The following PLAC8L1 variants were observed in gnomAD, a reference collection of about 807,000 sequenced individuals.
PLAC8L1 encodes PLAC8-like protein 1.
Under a neutral mutation model 16.3 loss-of-function variants are expected in PLAC8L1, and 13 were observed. The ratio of observed to expected loss-of-function variants is 0.80; its 90% CI spans 0.52 to 1.27. The LOEUF is 1.27. Among genes scored for constraint, PLAC8L1 ranks in the 50% most tolerant of loss-of-function variants. PLAC8L1 has a pLI of 0.00. For synonymous variants in PLAC8L1, 78 were observed against 79.3 expected, an observed-to-expected ratio of 0.98 and a Z score of 0.09; for missense variants, 184 against 220.2, an observed-to-expected ratio of 0.84 and a Z score of 1.04.
chr5:146,100,515 C>A (rs559647190), intron 1 of PLAC8L1, among the ~76,000 whole-genome samples: 89 of 152,028 alleles, frequency 5.9e-4, no homozygotes, highest in Middle Eastern at 3.4e-3. Context: ...TTATTAATTG[C>A]CAAATTTAGA....
intron 2 of PLAC8L1, among the ~76,000 whole-genome samples, chr5:146,094,210 G>A (rs6898638): frequency 0.028 from 4,271 of 152,220 alleles, 205 homozygotes; most frequent in African/African-American, 0.097. Flanking sequence ...AGCCTCCGGT[G>A]TAGCTGGGAT....
At chr5:146,099,024 A>G (rs1474007704) in intron 1 of PLAC8L1, among the ~76,000 whole-genome samples, 3 of 152,240 alleles carry the variant, frequency 2.0e-5, no homozygotes, top group Non-Finnish European at 2.9e-5. Context: ...TTAGAAAATG[A>G]AAACCTGGTG....
rs1261349143 is a variant in PLAC8L1, at chr5:146,084,519, G to A, written c.447C>T (p.Ile149=). 6.2e-7 allele frequency: 1 copy of A among 1,614,170 alleles called. No homozygotes were observed. The highest frequency in any genetic ancestry group is 8.5e-7 in the Non-Finnish European group (1 of 1,180,034). The change falls in exon 4 of 4, where the codon ATC becomes ATT. Residue 149 remains isoleucine (I), a synonymous_variant. Coordinates refer to ENST00000311450, the MANE Select transcript of PLAC8L1 (RefSeq NM_001029869.3). ...LAVHCCWAFS[I]CQVARELKMR... is the part of the protein sequence containing the mutation. ...TCTTGAGTTCCCGGGCCACCTGGCA[G>A]ATGGAAAAAGCCCAACAGCAGTGCA...
intron 2 of PLAC8L1, among the ~76,000 whole-genome samples, chr5:146,089,528 A>G (rs546498256): frequency 5.4e-4 from 82 of 152,254 alleles, no homozygotes; most frequent in African/African-American, 1.9e-3. Flanking sequence ...AATTCACACA[A>G]TCATCAGTGA....
intron 1 of PLAC8L1, among the ~76,000 whole-genome samples, chr5:146,099,992 G>T (rs182083429): frequency 6.6e-6 from 1 of 152,168 alleles, no homozygotes; most frequent in Non-Finnish European, 1.5e-5. Flanking sequence ...CCTTCCCTCG[G>T]ACCAACTGCA....
intron 2 of PLAC8L1, among the ~76,000 whole-genome samples, chr5:146,089,619 T>C (rs1488335766): frequency 6.6e-6 from 1 of 152,254 alleles, no homozygotes; most frequent in East Asian, 1.9e-4. Context: ...TTCTCATGTT[T>C]TATGTATTTA....
intron 2 of PLAC8L1, among the ~76,000 whole-genome samples, chr5:146,092,572 C>T (rs1332405256): frequency 7.9e-6 from 1 of 127,188 alleles, no homozygotes; most frequent in African/African-American, 2.9e-5. Flanking sequence ...GACAGAGTCT[C>T]ACTCTGTCAC....
At chr5:146,102,828 T>C (rs528316066) in intron 1 of PLAC8L1, among the ~76,000 whole-genome samples, 14 of 152,324 alleles carry the variant, frequency 9.2e-5, no homozygotes, top group Admixed American at 3.3e-4. Flanking sequence ...CTCCATAAAA[T>C]TGGATTTAAA....
chr5:146,091,697 G>A (rs1176694940), intron 2 of PLAC8L1, among the ~76,000 whole-genome samples: 3 of 152,038 alleles, frequency 2.0e-5, no homozygotes, highest in African/African-American at 7.2e-5. Context: ...AGCCACTCTA[G>A]AGGCTGAGGC....
At chr5:146,096,692 A>G (rs1013893406) in intron 2 of PLAC8L1, among the ~76,000 whole-genome samples, 2 of 151,376 alleles carry the variant, frequency 1.3e-5, no homozygotes, top group Non-Finnish European at 3.0e-5. Context: ...ACCCCCAACC[A>G]TAAGCTATGA....
chr5:146,090,291 T>C (rs1421517608), intron 2 of PLAC8L1, among the ~76,000 whole-genome samples: 1 of 151,928 alleles, frequency 6.6e-6, no homozygotes, highest in Non-Finnish European at 1.5e-5. Context: ...CCCAACACTT[T>C]GAGAGGCCGA....
intron 2 of PLAC8L1, among the ~76,000 whole-genome samples, chr5:146,090,304 C>T (rs1269703236): frequency 6.6e-6 from 1 of 151,766 alleles, no homozygotes; most frequent in Non-Finnish European, 1.5e-5. Flanking sequence ...GAGGCCGAGG[C>T]GGGTGGATCA....
intron 2 of PLAC8L1, among the ~76,000 whole-genome samples, chr5:146,086,024 CTTT>C (rs58130114): frequency 1.2e-4 from 11 of 90,392 alleles, no homozygotes; most frequent in Non-Finnish European, 1.6e-4. Flanking sequence ...ATTGAAAGGT[CTTT>C]TTTTTTTTTT....
intron 2 of PLAC8L1, among the ~76,000 whole-genome samples, chr5:146,097,671 C>G (rs1763741030): frequency 1.3e-5 from 2 of 152,212 alleles, no homozygotes; most frequent in South Asian, 4.1e-4. Context: ...GTGGATTCCT[C>G]TTGTTGAACA....
At chr5:146,087,225 T>C (rs1242543274) in intron 2 of PLAC8L1, among the ~76,000 whole-genome samples, 1 of 152,268 alleles carries the variant, frequency 6.6e-6, no homozygotes, top group East Asian at 1.9e-4. Flanking sequence ...AGTTGAGCCA[T>C]ATTCCATTGT....
intron 2 of PLAC8L1, among the ~76,000 whole-genome samples, chr5:146,087,462 T>G (rs1284544659): frequency 6.6e-6 from 1 of 152,232 alleles, no homozygotes; most frequent in Non-Finnish European, 1.5e-5. Context: ...CCAAAGTATT[T>G]GTACCATTTT....
At chr5:146,103,088 C>G (rs555287619) in intron 1 of PLAC8L1, among the ~76,000 whole-genome samples, 44 of 152,330 alleles carry the variant, frequency 2.9e-4, no homozygotes, top group Non-Finnish European at 5.1e-4. Flanking sequence ...CACGGTGATG[C>G]ACACCTATAA....
chr5:146,097,563 G>A (rs893657819), intron 2 of PLAC8L1, among the ~76,000 whole-genome samples: 1 of 152,128 alleles, frequency 6.6e-6, no homozygotes, highest in Non-Finnish European at 1.5e-5. Context: ...GTTTTGCAAT[G>A]TGTTTCTTTA....
intron 2 of PLAC8L1, among the ~76,000 whole-genome samples, chr5:146,092,151 A>G (rs750358822): frequency 6.6e-6 from 1 of 152,192 alleles, no homozygotes; most frequent in Non-Finnish European, 1.5e-5. Context: ...AGAAGTAGGA[A>G]AGGTGGGTGG....
Sources: gnomAD v4.1 joint callset for allele counts (sites outside exome capture counted in the v4.1 genomes callset) on GRCh38, gnomAD v4.1.1 for gene constraint, MANE v1.5 for transcripts, NCBI Gene and HGNC (gene_info 2026-07-23, HGNC 2026-07-21) for gene names.